Variants in CPNE4 observed in about 807,000 individuals in gnomAD.
CPNE4 encodes copine-4.
Under a neutral mutation model 67.9 loss-of-function variants are expected in CPNE4, and 25 were observed. The observed-to-expected ratio is 0.37, with a 90% CI of 0.27 to 0.51. The LOEUF (loss-of-function observed/expected upper bound fraction) is 0.51, where lower values mean the gene tolerates loss of function less well. Ranked by LOEUF, CPNE4 falls within the 20% of genes least tolerant of loss-of-function variation. The pLI is 0.93. For missense variants in CPNE4, 464 were observed against 690.8 expected, an observed-to-expected ratio of 0.67 and a Z score of 3.68; for synonymous variants, 242 against 244.9, an observed-to-expected ratio of 0.99 and a Z score of 0.11.
chr3:131,687,594 T>G (rs887014478), intron 5 of CPNE4, among the ~76,000 whole-genome samples: 3 of 152,154 alleles, frequency 2.0e-5, no homozygotes, highest in Admixed American at 6.5e-5. Flanking sequence ...CAAGCCAGAG[T>G]CAAACTCGTT....
At chr3:131,962,938 G>A (rs1289543308) in intron 1 of CPNE4, among the ~76,000 whole-genome samples, 1 of 152,128 alleles carries the variant, frequency 6.6e-6, no homozygotes, top group Admixed American at 6.6e-5. Context: ...TAAAAGTAAT[G>A]GCAAAGCTTT....
intron 2 of CPNE4, among the ~76,000 whole-genome samples, chr3:131,723,973 A>G (rs1560185976): frequency 6.7e-6 from 1 of 150,040 alleles, no homozygotes. Flanking sequence ...GAACAGTAAA[A>G]ATTTTTGAGT....
Position 131,985,611 on chromosome 3 carries a change from A to G in CPNE4, c.-2+48956T>C, listed in dbSNP as rs189532536. 8.5e-4 allele frequency among the ~76,000 whole-genome samples: 130 copies of G among 152,306 alleles called. 3 individuals are homozygous for G. Among genetic ancestry groups the G allele is most frequent in the Non-Finnish European group, 5.7e-4 (39 of 68,022 alleles). On this transcript the variant is annotated intron_variant, in intron 1 of 15. Transcript: ENST00000429747. ...CCAGATCTTATTTTAAACACTGAGA[A>G]TCATAAGTTCTTTTTCAGTGCTGCC...
intron 2 of CPNE4, among the ~76,000 whole-genome samples, chr3:131,793,583 T>C (rs1255236808): frequency 3.9e-5 from 6 of 152,216 alleles, no homozygotes; most frequent in Non-Finnish European, 8.8e-5. Flanking sequence ...ACATAGTCAC[T>C]ATCTCTCTCA....
chr3:131,773,623 C>T (rs532046876), intron 2 of CPNE4, among the ~76,000 whole-genome samples: 1 of 152,172 alleles, frequency 6.6e-6, no homozygotes, highest in East Asian at 1.9e-4. Context: ...GCTGGGATTA[C>T]AAGCGTGAGC....
intron 9 of CPNE4, among the ~76,000 whole-genome samples, chr3:131,579,342 T>C (rs1937640277): frequency 6.6e-6 from 1 of 152,228 alleles, no homozygotes; most frequent in South Asian, 2.1e-4. Context: ...ACAATAGACC[T>C]AGTCACCCAA....
intron 2 of CPNE4, among the ~76,000 whole-genome samples, chr3:131,891,492 G>C (rs1326514319): frequency 6.6e-6 from 1 of 151,820 alleles, no homozygotes; most frequent in African/African-American, 2.4e-5. Context: ...GTGTCATAGG[G>C]ATTTGTTGTA....
chr3:131,611,407 TA>T (rs1173520684), intron 7 of CPNE4, among the ~76,000 whole-genome samples: 1 of 152,222 alleles, frequency 6.6e-6, no homozygotes, highest in Non-Finnish European at 1.5e-5. Flanking sequence ...TCATATTGTA[TA>T]AATGCTTGTC....
At chr3:131,831,978 T>G (rs994030670) in intron 2 of CPNE4, among the ~76,000 whole-genome samples, 5 of 152,202 alleles carry the variant, frequency 3.3e-5, no homozygotes, top group African/African-American at 1.2e-4. Flanking sequence ...TTTTAAATGT[T>G]AATTCCCTTC....
intron 9 of CPNE4, among the ~76,000 whole-genome samples, chr3:131,580,097 T>C (rs1319640494): frequency 2.0e-5 from 3 of 152,142 alleles, no homozygotes; most frequent in African/African-American, 7.2e-5. Context: ...ACCCCAACTT[T>C]CAGCAATTAC....
chr3:131,978,665 T>G (rs1447923592), intron 1 of CPNE4, among the ~76,000 whole-genome samples: 1 of 145,452 alleles, frequency 6.9e-6, no homozygotes, highest in Non-Finnish European at 1.5e-5. Flanking sequence ...TCATTTACCT[T>G]TTGTATTTTT....
chr3:131,617,607 C>T (rs1940231245), intron 7 of CPNE4, among the ~76,000 whole-genome samples: 1 of 152,206 alleles, frequency 6.6e-6, no homozygotes, highest in Non-Finnish European at 1.5e-5. Flanking sequence ...ATAACCCTCA[C>T]TTTCTTCCCA....
intron 3 of CPNE4, among the ~76,000 whole-genome samples, chr3:131,721,554 C>G (rs1423715548): frequency 6.6e-6 from 1 of 151,980 alleles, no homozygotes; most frequent in Non-Finnish European, 1.5e-5. Context: ...TGCCACCACA[C>G]CCGGCTATTT....
chr3:131,704,345 T>G lies in CPNE4; in HGVS notation c.361-4365A>C, dbSNP rs143873185. ...GAGGTAGTCATCCCTTGGAAGCAGA[T>G]CTCAACCAGTGACTGATGGTCTTTG... On this transcript the variant is annotated intron_variant, in intron 3 of 15. Coordinates refer to ENST00000429747, the MANE Select transcript of CPNE4 (RefSeq NM_130808.3). Among the ~76,000 whole-genome samples, 36 of 152,276 alleles carry G rather than the reference T, an allele frequency of 2.4e-4. No individual in the cohort carries two copies. The East Asian group carries it at 6.8e-3, about 29-fold the overall frequency.
intron 1 of CPNE4, among the ~76,000 whole-genome samples, chr3:131,955,400 T>C (rs1339209334): frequency 1.3e-5 from 2 of 148,402 alleles, no homozygotes; most frequent in Non-Finnish European, 3.0e-5. Context: ...TGTGTGGTAT[T>C]GTATGTAAGG....
intron 3 of CPNE4, among the ~76,000 whole-genome samples, chr3:131,719,143 C>A (rs2107738307): frequency 6.6e-6 from 1 of 152,316 alleles, no homozygotes; most frequent in South Asian, 2.1e-4. Context: ...ATACACTGAA[C>A]AAGTCACTTG....
chr3:131,765,617 T>C (rs1387645255), intron 2 of CPNE4, among the ~76,000 whole-genome samples: 1 of 152,140 alleles, frequency 6.6e-6, no homozygotes, highest in Non-Finnish European at 1.5e-5. Context: ...GGTCCTTTAC[T>C]ATAGTCTAAT....
At chr3:131,933,878 A>C (rs2071142366) in intron 1 of CPNE4, among the ~76,000 whole-genome samples, 1 of 152,144 alleles carries the variant, frequency 6.6e-6, no homozygotes, top group African/African-American at 2.4e-5. Context: ...TGTGGTTACC[A>C]GACGCTAAGG....
rs1313362481 is a variant in CPNE4, at chr3:131,542,720, T to C, written c.1376A>G (p.His459Arg). The change falls in exon 15 of 16, where the codon CAT (histidine) becomes CGT (arginine). Residue 459 changes from histidine to arginine, a missense_variant. Transcript: ENST00000429747. ...GACTGACATGGGGAGGTGGGAGGCATGGACAATGGCCTCCCGGGTGTCGGC... is the reference window on the plus strand; with the variant it reads ...GACTGACATGGGGAGGTGGGAGGCACGGACAATGGCCTCCCGGGTGTCGGC... ...DMADTREAIV[H>R]ASHLPMSVII... 1.2e-6 allele frequency: 2 copies of C among 1,613,942 alleles called. No individual in the cohort carries two copies. Among genetic ancestry groups the C allele is most frequent in the Non-Finnish European group, 1.7e-6 (2 of 1,179,900 alleles).
Sources: gnomAD v4.1 joint callset for allele counts (sites outside exome capture counted in the v4.1 genomes callset) on GRCh38, gnomAD v4.1.1 for gene constraint, MANE v1.5 for transcripts, NCBI Gene and HGNC (gene_info 2026-07-23, HGNC 2026-07-21) for gene names.